PAWR: variants seen among roughly 807,000 people sequenced by gnomAD.
PAWR encodes PRKC apoptosis WT1 regulator protein.
Under a neutral mutation model 32.0 loss-of-function variants are expected in PAWR, and 23 were observed. The observed-to-expected ratio is 0.72, with a 90% CI of 0.52 to 1.02. PAWR has a LOEUF of 1.02. PAWR is among the 50% of genes least tolerant of loss of function. The probability of loss-of-function intolerance (pLI) is 0.00; values close to 1 mark genes in which losing one functional copy is unlikely to be tolerated. For synonymous variants in PAWR, 226 were observed against 187.1 expected, an observed-to-expected ratio of 1.21 and a Z score of -1.70; for missense variants, 457 against 437.7, an observed-to-expected ratio of 1.04 and a Z score of -0.39.
rs145859663 is a variant in PAWR, at chr12:79,585,718, T to C, written c.*6889A>G. 2 of 152,558 alleles carry C rather than the reference T, an allele frequency of 1.3e-5. No homozygotes were observed. Among genetic ancestry groups the C allele is most frequent in the Non-Finnish European group, 2.9e-5 (2 of 68,258 alleles). 9.5% of individuals were successfully genotyped at this position (152,558 alleles called of 1,614,324 possible). A position where few individuals can be genotyped will look rare whatever the true frequency, so the allele number is the denominator to read the frequency against. The stretch of plus-strand genomic sequence containing the variant: ...TGCTTCATTGAAACTATATTGATTA[T>C]TTTTATTTTTGAGGTAGAGTCTTGC... On this transcript the variant is annotated 3_prime_UTR_variant, in exon 7 of 7. Coordinates refer to ENST00000328827, the MANE Select transcript of PAWR (RefSeq NM_002583.4).
chr12:79,598,785 T>C (rs1388206497), intron 4 of PAWR, among the ~76,000 whole-genome samples: 1 of 152,224 alleles, frequency 6.6e-6, no homozygotes, highest in Admixed American at 6.5e-5. Flanking sequence ...CCTGATCTTA[T>C]CTGCCATTGA....
Position 79,592,688 on chromosome 12 carries a change from T to C in PAWR, c.942A>G (p.Leu314=). The change falls in exon 7 of 7, where the codon CTA becomes CTG. Residue 314 remains leucine (L), a synonymous_variant. Transcript: ENST00000328827. ...KEEIDLLNRD[L]DDIEDENEQL... Reference sequence around the variant, plus strand: ...GTTCATTTTCATCTTCTATGTCATCTAGGTCCTTAAGAAAAAAAAAAGACA... The same window carrying C: ...GTTCATTTTCATCTTCTATGTCATCCAGGTCCTTAAGAAAAAAAAAAGACA... 1.4e-6 allele frequency: 1 copy of C among 739,978 alleles called. No homozygotes were observed. The highest frequency in any genetic ancestry group is 1.5e-5 in the South Asian group (1 of 67,516). The allele number at this position is 739,978 out of a possible 1,614,324, so 45.8% of individuals were successfully genotyped here.
chr12:79,610,413 T>C (rs776827384), intron 4 of PAWR, among the ~76,000 whole-genome samples: 15 of 152,190 alleles, frequency 9.9e-5, no homozygotes, highest in Non-Finnish European at 1.6e-4. Flanking sequence ...GAATTGACTT[T>C]GCAAGAAAAT....
At chr12:79,651,377 T>C (rs1212043838) in intron 2 of PAWR, among the ~76,000 whole-genome samples, 1 of 151,876 alleles carries the variant, frequency 6.6e-6, no homozygotes, top group African/African-American at 2.4e-5. Flanking sequence ...ACCAAAAGAA[T>C]CGGTTAAAAA....
intron 4 of PAWR, among the ~76,000 whole-genome samples, chr12:79,611,197 T>C (rs1029455351): frequency 2.7e-5 from 4 of 146,520 alleles, no homozygotes; most frequent in African/African-American, 9.8e-5. Context: ...ATCTTATAGA[T>C]ATTTATATAT....
intron 4 of PAWR, among the ~76,000 whole-genome samples, chr12:79,609,907 T>C (rs1874359403): frequency 1.3e-5 from 2 of 152,188 alleles, no homozygotes; most frequent in African/African-American, 4.8e-5. Flanking sequence ...ATAACACTTC[T>C]TCTGGGACTT....
chr12:79,606,277 G>A (rs546693592), intron 4 of PAWR, among the ~76,000 whole-genome samples: 2 of 152,210 alleles, frequency 1.3e-5, no homozygotes, highest in South Asian at 4.1e-4. Context: ...CAGCAGTGAT[G>A]GTAGTAAACA....
chr12:79,646,321 C>T (rs773812876), intron 2 of PAWR, among the ~76,000 whole-genome samples: 1 of 152,168 alleles, frequency 6.6e-6, no homozygotes, highest in South Asian at 2.1e-4. Context: ...AACTATCCCA[C>T]ACCCATGGAG....
chr12:79,635,537 C>T (rs1473587796), intron 2 of PAWR: 1 of 152,022 alleles, frequency 6.6e-6, no homozygotes, highest in Non-Finnish European at 1.5e-5. Flanking sequence ...ATTATCTGAG[C>T]CCAACCACTT....
At chr12:79,686,995 C>T (rs944145378) in intron 2 of PAWR, among the ~76,000 whole-genome samples, 1 of 152,182 alleles carries the variant, frequency 6.6e-6, no homozygotes, top group African/African-American at 2.4e-5. Context: ...ATGTAATACA[C>T]ATTTGACTGA....
intron 2 of PAWR, among the ~76,000 whole-genome samples, chr12:79,674,445 A>G (rs1280335493): frequency 6.6e-6 from 1 of 152,144 alleles, no homozygotes; most frequent in African/African-American, 2.4e-5. Flanking sequence ...ACCTGCAACT[A>G]TGAAAACCCT....
chr12:79,604,393 G>A, intron 4 of PAWR: 1 of 1,018,562 alleles, frequency 9.8e-7, no homozygotes, highest in Non-Finnish European at 1.2e-6. Flanking sequence ...GGGGTGTTGT[G>A]TTGGGGAAAA....
rs34166197 is a variant in PAWR at position 79,650,714 on chromosome 12, T to TAAA, written c.517-29510_517-29508dup. 3.2e-3 allele frequency among the ~76,000 whole-genome samples: 358 copies of TAAA among 113,046 alleles called. 3 individuals are homozygous for TAAA. Among genetic ancestry groups the TAAA allele is most frequent in the Middle Eastern group, 0.014 (3 of 216 alleles). The allele number at this position is 113,046 out of a possible 152,430, so 74.2% of individuals were successfully genotyped here. A position where few individuals can be genotyped will look rare whatever the true frequency, so the allele number is the denominator to read the frequency against. ...AAGTTCAACAGAGCTTAAAGGTTATTAAAAAAAAAAAAAAAAAAAAAAGGT... is the reference window on the plus strand; with the variant it reads ...AAGTTCAACAGAGCTTAAAGGTTATTAAAAAAAAAAAAAAAAAAAAAAAAAGGT... On this transcript the variant is annotated intron_variant, in intron 2 of 6. Coordinates refer to ENST00000328827, the MANE Select transcript of PAWR (RefSeq NM_002583.4).
intron 4 of PAWR, among the ~76,000 whole-genome samples, chr12:79,613,132 G>C (rs1592500701): frequency 6.6e-6 from 1 of 152,236 alleles, no homozygotes; most frequent in South Asian, 2.1e-4. Context: ...TGAGAAAGTG[G>C]CTACCTATAA....
intron 2 of PAWR, among the ~76,000 whole-genome samples, chr12:79,632,979 T>C (rs1004531498): frequency 3.3e-5 from 5 of 151,788 alleles, no homozygotes; most frequent in African/African-American, 1.2e-4. Flanking sequence ...ACTAAAAATA[T>C]GAAAATCAGC....
At chr12:79,627,896 C>T (rs965811825) in intron 2 of PAWR, among the ~76,000 whole-genome samples, 4 of 152,146 alleles carry the variant, frequency 2.6e-5, no homozygotes, top group Non-Finnish European at 4.4e-5. Flanking sequence ...TTAGACAGAT[C>T]AACGAGACAG....
intron 2 of PAWR, among the ~76,000 whole-genome samples, chr12:79,625,929 C>A (rs1477131063): frequency 1.3e-5 from 2 of 151,494 alleles, no homozygotes; most frequent in African/African-American, 4.8e-5. Flanking sequence ...CATTGGGAGT[C>A]CGAGGCAGGC....
chr12:79,644,009 C>T (rs1372771370), intron 2 of PAWR, among the ~76,000 whole-genome samples: 2 of 152,128 alleles, frequency 1.3e-5, no homozygotes, highest in Non-Finnish European at 2.9e-5. Flanking sequence ...AAGACAATAA[C>T]ACTATTGATT....
At chr12:79,684,422 C>T (rs974858438) in intron 2 of PAWR, among the ~76,000 whole-genome samples, 3 of 151,962 alleles carry the variant, frequency 2.0e-5, no homozygotes, top group African/African-American at 7.3e-5. Context: ...AGCAGCCTGG[C>T]CAACATGGCG....
Sources: gnomAD v4.1 joint callset for allele counts (sites outside exome capture counted in the v4.1 genomes callset) on GRCh38, gnomAD v4.1.1 for gene constraint, MANE v1.5 for transcripts, NCBI Gene and HGNC (gene_info 2026-07-23, HGNC 2026-07-21) for gene names.